Variants in TMEM178A observed in about 807,000 individuals in gnomAD.
TMEM178A encodes transmembrane protein 178A.
TMEM178A carries 12 observed loss-of-function variants against 29.1 expected under a neutral mutation model. That is an observed-to-expected ratio of 0.41 (90% CI 0.26 to 0.67). TMEM178A has a LOEUF of 0.67. Ranked by LOEUF, TMEM178A falls within the 30% of genes least tolerant of loss-of-function variation. The pLI is 0.29. For missense variants in TMEM178A, 366 were observed against 419.1 expected (o/e 0.87, Z 1.11); for synonymous variants, 210 against 187.2 (o/e 1.12, Z -0.99).
intron 1 of TMEM178A, among the ~76,000 whole-genome samples, chr2:39,666,952 A>G (rs1174345459): frequency 6.6e-6 from 1 of 152,228 alleles, no homozygotes; most frequent in Non-Finnish European, 1.5e-5. Context: ...TGGGCAGCGA[A>G]GGAGGCCCCG....
intron 3 of TMEM178A, among the ~76,000 whole-genome samples, chr2:39,713,079 C>G (rs1056643898): frequency 1.3e-5 from 2 of 152,122 alleles, no homozygotes; most frequent in African/African-American, 4.8e-5. Flanking sequence ...TACGGGAAGT[C>G]TAAGAGATCC....
At chr2:39,697,144 G>A (rs572967894) in intron 1 of TMEM178A, among the ~76,000 whole-genome samples, 19 of 152,110 alleles carry the variant, frequency 1.2e-4, no homozygotes, top group Non-Finnish European at 2.4e-4. Flanking sequence ...TGGAACTTCC[G>A]TCACCATCTA....
chr2:39,686,644 A>G (rs1671086904), intron 1 of TMEM178A, among the ~76,000 whole-genome samples: 1 of 130,222 alleles, frequency 7.7e-6, no homozygotes, highest in Admixed American at 9.0e-5. Flanking sequence ...GGAGAGCCTG[A>G]GTGCAGTAGG....
chr2:39,727,600 GT>G, the TMEM178A span, among the ~76,000 whole-genome samples: 6 of 152,096 alleles, frequency 3.9e-5, no homozygotes, highest in African/African-American at 1.4e-4. Flanking sequence ...AAGTTCTAGG[GT>G]ACATGTGCAC....
chr2:39,678,342 A>G (rs1216860642), intron 1 of TMEM178A, among the ~76,000 whole-genome samples: 1 of 152,260 alleles, frequency 6.6e-6, no homozygotes, highest in Admixed American at 6.5e-5. Context: ...ATGTCCATCA[A>G]CTGATGAATA....
chr2:39,720,346 G>A (rs1346389012), downstream of TMEM178A, among the ~76,000 whole-genome samples: 1 of 152,118 alleles, frequency 6.6e-6, no homozygotes, highest in Admixed American at 6.5e-5. Context: ...CAGGTGAATG[G>A]GGGCCCACGA....
rs114068618 is a variant in TMEM178A at position 39,685,594 on chromosome 2, C to G, written c.401-18487C>G. Reference sequence around the variant, plus strand: ...AGGTGAGGCTCTTCAGTAAATCGGGCTAGATAAGACTAGTTAAGTTAGATG... The same window carrying G: ...AGGTGAGGCTCTTCAGTAAATCGGGGTAGATAAGACTAGTTAAGTTAGATG... On this transcript the variant is annotated intron_variant, in intron 1 of 3. Coordinates refer to ENST00000281961, the MANE Select transcript of TMEM178A (RefSeq NM_152390.3). 3.5e-3 allele frequency among the ~76,000 whole-genome samples: 535 copies of G among 152,150 alleles called. 5 individuals carry two copies. The highest frequency in any genetic ancestry group is 0.013 in the African/African-American group (520 of 41,496).
intron 1 of TMEM178A, among the ~76,000 whole-genome samples, chr2:39,685,541 G>C (rs1160029868): frequency 6.6e-6 from 1 of 152,122 alleles, no homozygotes; most frequent in African/African-American, 2.4e-5. Flanking sequence ...AGGTAGGATT[G>C]AACTGAGTGA....
intron 3 of TMEM178A, among the ~76,000 whole-genome samples, chr2:39,712,379 C>T (rs1396921826): frequency 1.3e-5 from 2 of 152,048 alleles, no homozygotes; most frequent in East Asian, 3.9e-4. Context: ...ACCCTAATTA[C>T]ATCTTACCAG....
chr2:39,702,487 A>G (rs1671826959), intron 1 of TMEM178A, among the ~76,000 whole-genome samples: 1 of 152,142 alleles, frequency 6.6e-6, no homozygotes, highest in Non-Finnish European at 1.5e-5. Context: ...AGTTTTGAAG[A>G]ATACAAATGT....
At chr2:39,703,944 T>C (rs903133208) in intron 1 of TMEM178A, 137 bp from the exon 2 acceptor site, 1 of 635,194 alleles carries the variant, frequency 1.6e-6, no homozygotes. Flanking sequence ...ATGTTTTAGG[T>C]TTTTATTGCT....
chr2:39,683,741 T>G (rs1670962383), intron 1 of TMEM178A, among the ~76,000 whole-genome samples: 1 of 152,220 alleles, frequency 6.6e-6, no homozygotes, highest in Admixed American at 6.5e-5. Context: ...TTTCCCTTCC[T>G]TTTAACACAA....
chr2:39,699,011 T>C (rs1275858766), intron 1 of TMEM178A, among the ~76,000 whole-genome samples: 1 of 151,958 alleles, frequency 6.6e-6, no homozygotes, highest in Non-Finnish European at 1.5e-5. Context: ...AGTAATAGCC[T>C]CTGTTTCATT....
chr2:39,715,112 C>T (rs1294884236), intron 3 of TMEM178A, among the ~76,000 whole-genome samples: 1 of 152,188 alleles, frequency 6.6e-6, no homozygotes, highest in Non-Finnish European at 1.5e-5. Context: ...CACATCCCAA[C>T]CCAATGCACT....
At chr2:39,680,234 A>G (rs1334286317) in intron 1 of TMEM178A, among the ~76,000 whole-genome samples, 1 of 152,188 alleles carries the variant, frequency 6.6e-6, no homozygotes, top group Non-Finnish European at 1.5e-5. Flanking sequence ...AACCAGCTGT[A>G]GTTATAAGAT....
At chr2:39,732,616 A>T in the TMEM178A span, among the ~76,000 whole-genome samples, 1 of 152,174 alleles carries the variant, frequency 6.6e-6, no homozygotes, top group Non-Finnish European at 1.5e-5. Flanking sequence ...AGAATAATTA[A>T]CTTGCATAGG....
At chr2:39,685,178 T>G (rs1402637264) in intron 1 of TMEM178A, among the ~76,000 whole-genome samples, 2 of 152,164 alleles carry the variant, frequency 1.3e-5, no homozygotes, top group Non-Finnish European at 2.9e-5. Context: ...CCCTCCATGG[T>G]CTAGCCGCCT....
At chr2:39,722,201 C>A (rs1672719329), downstream of TMEM178A, among the ~76,000 whole-genome samples, 1 of 151,812 alleles carries the variant, frequency 6.6e-6, no homozygotes, top group South Asian at 2.1e-4. Context: ...AATTGATTTG[C>A]TGGTAAGTTA....
rs747567185 is a variant in TMEM178A at position 39,704,103 on chromosome 2, C to T, written c.423C>T (p.Ala141=). ...ILKGIAQRCT[A]IKYHFSQPIR... is the part of the protein sequence containing the mutation. Reference sequence around the variant, plus strand: ...AAGGTATTGCGCAGCGATGCACGGCCATCAAGTACCACTTTTCTCAGCCCA... The same window carrying T: ...AAGGTATTGCGCAGCGATGCACGGCTATCAAGTACCACTTTTCTCAGCCCA... The change falls in exon 2 of 4, where the codon GCC becomes GCT. Residue 141 remains alanine, a synonymous_variant. Coordinates refer to ENST00000281961, the MANE Select transcript of TMEM178A (RefSeq NM_152390.3). 1 of 1,614,144 alleles carries T rather than the reference C, an allele frequency of 6.2e-7. No homozygotes were observed. The highest frequency in any genetic ancestry group is 8.5e-7 in the Non-Finnish European group (1 of 1,180,000).
Sources: gnomAD v4.1 joint callset for allele counts (sites outside exome capture counted in the v4.1 genomes callset) on GRCh38, gnomAD v4.1.1 for gene constraint, MANE v1.5 for transcripts, NCBI Gene and HGNC (gene_info 2026-07-23, HGNC 2026-07-21) for gene names.